Variants in KIF26A observed in about 807,000 individuals in gnomAD.
The protein encoded by KIF26A is kinesin family member 26A, also known as kinesin-like protein KIF26A.
KIF26A carries 74 observed loss-of-function variants against 126.0 expected under a neutral mutation model. The ratio of observed to expected loss-of-function variants is 0.59; its 90% CI spans 0.49 to 0.71. The LOEUF (loss-of-function observed/expected upper bound fraction) is 0.71, where lower values mean the gene tolerates loss of function less well. Among genes scored for constraint, KIF26A ranks in the 30% least tolerant of loss-of-function variants. KIF26A has a pLI of 0.00. For synonymous variants in KIF26A, 1,445 were observed against 1,232.7 expected, an observed-to-expected ratio of 1.17 and a Z score of -3.61; for missense variants, 2,984 against 2,763.3, an observed-to-expected ratio of 1.08 and a Z score of -1.79.
At chr14:104,157,028 C>T (rs1285608580) in intron 3 of KIF26A, among the ~76,000 whole-genome samples, 1 of 152,130 alleles carries the variant, frequency 6.6e-6, no homozygotes, top group South Asian at 2.1e-4. Context: ...AAGCAGGCTG[C>T]CTTCCCTGCC....
chr14:104,149,629 T>A lies in KIF26A; in HGVS notation c.289-2386T>A, dbSNP rs563212052. ...GGGTGGGGGCTTGGGTGGGGGCCAC[T>A]TTGGCTTCCTGTCCCCTTTTCCCTG... is the stretch of plus-strand genomic sequence containing the variant. On this transcript the variant is annotated intron_variant, in intron 2 of 14. Coordinates refer to ENST00000423312, the MANE Select transcript of KIF26A (RefSeq NM_015656.2). Among the ~76,000 whole-genome samples the A allele has an allele frequency of 4.6e-5, 7 of 152,354 alleles. No homozygotes were observed. In the South Asian group the frequency reaches 1.5e-3, roughly 32 times the overall value.
Position 104,152,205 on chromosome 14 carries a change from G to C in KIF26A, c.479G>C (p.Ser160Thr). 6.2e-7 allele frequency: 1 copy of C among 1,603,510 alleles called. No homozygotes were observed. The highest frequency in any genetic ancestry group is 8.5e-7 in the Non-Finnish European group (1 of 1,176,620). ...EDLDAPHGGPSLAPPSTTTSS... is the reference protein window; with the variant it reads ...EDLDAPHGGPTLAPPSTTTSS... ...CTTGACGCCCCCCATGGAGGCCCCA[G>C]CCTCGCACCCCCCAGCACCACGACC... The change falls in exon 3 of 15, where the codon AGC (serine) becomes ACC (threonine). Residue 160 changes from serine to threonine, a missense_variant. Transcript: ENST00000423312. The surrounding 1 kb of genome is among the most constrained non-coding windows in gnomAD (Gnocchi z 5.9).
At chr14:104,155,797 C>T (rs373428252) in intron 3 of KIF26A, among the ~76,000 whole-genome samples, 33 of 152,332 alleles carry the variant, frequency 2.2e-4, no homozygotes, top group Non-Finnish European at 3.8e-4. Context: ...TGGGCGGGGC[C>T]GGAACCTTCT....
Position 104,177,147 on chromosome 14 carries a change from A to G in KIF26A, c.4359A>G (p.Glu1453=). The stretch of plus-strand genomic sequence containing the variant: ...CGCACAGCAGCAGCAAGGGCCGGGA[A>G]GCCCCTGGGCGGCCTCCCCGGGCTG... ...GLAHSSSKGR[E]APGRPPRAVP... is the part of the protein sequence containing the mutation. The change falls in exon 12 of 15, where the codon GAA becomes GAG. Residue 1453 remains glutamate (E), a synonymous_variant. Coordinates refer to ENST00000423312, the MANE Select transcript of KIF26A (RefSeq NM_015656.2). 1 of 1,597,706 alleles carries G rather than the reference A, an allele frequency of 6.3e-7. No homozygotes were observed. The highest frequency in any genetic ancestry group is 8.5e-7 in the Non-Finnish European group (1 of 1,179,318).
At chr14:104,177,995 C>A in intron 12 of KIF26A, 97 bp downstream of exon 12, 2 of 1,274,156 alleles carry the variant, frequency 1.6e-6, no homozygotes, top group Non-Finnish European at 2.1e-6. Context: ...AGATGCTGGA[C>A]AGATGGGCAC....
chr14:104,176,019 C>T lies in KIF26A; in HGVS notation c.3231C>T (p.Ser1077=). ...ASGSRPVSII[S]SINDEFDAYT... ...GGTCCCGGCCAGTCAGCATCATCAG[C>T]AGCATCAATGATGAGTTTGACGCCT... Residue 1077 remains serine (S), a synonymous_variant, in exon 12 of 15, where the codon AGC becomes AGT. Coordinates refer to ENST00000423312, the MANE Select transcript of KIF26A (RefSeq NM_015656.2). 6.3e-7 allele frequency: 1 copy of T among 1,592,250 alleles called. No individual in the cohort carries two copies.
chr14:104,168,162 C>G (rs554052099), intron 5 of KIF26A, among the ~76,000 whole-genome samples: 3 of 152,184 alleles, frequency 2.0e-5, no homozygotes, highest in Middle Eastern at 3.2e-3. Flanking sequence ...GCAGCCACAC[C>G]TTGGGATTTT....
In KIF26A at chr14:104,173,533, T is replaced by C; in HGVS notation, c.1867+20T>C. 9 of 1,532,536 alleles carry C rather than the reference T, an allele frequency of 5.9e-6. No homozygotes were observed. Among genetic ancestry groups the C allele is most frequent in the Non-Finnish European group, 7.9e-6 (9 of 1,136,234 alleles). The allele number at this position is 1,532,536 out of a possible 1,614,324, so 94.9% of individuals were successfully genotyped here. A position where few individuals can be genotyped will look rare whatever the true frequency, so the allele number is the denominator to read the frequency against. ...GAGGAAGTAGGTGCCACACCCGCAC[T>C]CCCGGGCCCCTGTGGGATGCGTGTC... On this transcript the variant is annotated intron_variant, in intron 9 of 14. Coordinates refer to ENST00000423312, the MANE Select transcript of KIF26A (RefSeq NM_015656.2).
intron 8 of KIF26A, 26 bp from the exon 9 acceptor site, chr14:104,173,304 C>T (rs368705674): frequency 5.3e-5 from 85 of 1,601,698 alleles, no homozygotes; most frequent in East Asian, 6.7e-5. Flanking sequence ...CCACTGAAGA[C>T]GCCGCTGCCT....
intron 2 of KIF26A, among the ~76,000 whole-genome samples, chr14:104,140,200 A>G (rs2037624823): frequency 6.6e-6 from 1 of 151,942 alleles, no homozygotes. Context: ...GGGGCAGGGT[A>G]CCAGTCTGGT....
rs976321456 is a variant in KIF26A at position 104,180,036 on chromosome 14, T to C, written c.*246T>C. The stretch of plus-strand genomic sequence containing the variant: ...GCAACGCAAGTGCCTTTGACCTTGA[T>C]TTGGACTTTTCTCCCTTTTGCATTT... On this transcript the variant is annotated 3_prime_UTR_variant, in exon 15 of 15. Coordinates refer to ENST00000423312, the MANE Select transcript of KIF26A (RefSeq NM_015656.2). 2 of 431,644 alleles carry C rather than the reference T, an allele frequency of 4.6e-6. No individual in the cohort carries two copies. The highest frequency in any genetic ancestry group is 8.1e-6 in the Non-Finnish European group (2 of 245,878). 26.7% of individuals were successfully genotyped at this position (431,644 alleles called of 1,614,324 possible). A position where few individuals can be genotyped will look rare whatever the true frequency, so the allele number is the denominator to read the frequency against.
In KIF26A at chr14:104,165,004, C is replaced by T. The variant is rs531973973; in HGVS notation, c.924-1855C>T. 8.3e-3 allele frequency among the ~76,000 whole-genome samples: 1,228 copies of T among 147,082 alleles called. 8 individuals carry two copies. The highest frequency in any genetic ancestry group is 0.014 in the Non-Finnish European group (913 of 66,708). On this transcript the variant is annotated intron_variant, in intron 4 of 14. Coordinates refer to ENST00000423312, the MANE Select transcript of KIF26A (RefSeq NM_015656.2). ...CTGTGTGTGTTTCTGTATGCGTGCA[C>T]GTGTCTCTGGGTGTGCCTCTGTGTG...
At chr14:104,147,464 A>G (rs2037690315) in intron 2 of KIF26A, among the ~76,000 whole-genome samples, 1 of 152,150 alleles carries the variant, frequency 6.6e-6, no homozygotes, top group Non-Finnish European at 1.5e-5. Context: ...CTGCAGACCC[A>G]CAGGATGGGA....
rs1227408411 is a variant in KIF26A, at chr14:104,176,530, G to C, written c.3742G>C (p.Gly1248Arg). 6.2e-7 allele frequency: 1 copy of C among 1,605,052 alleles called. No homozygotes were observed. The highest frequency in any genetic ancestry group is 8.5e-7 in the Non-Finnish European group (1 of 1,179,688). The stretch of plus-strand genomic sequence containing the variant: ...TGAGGACCCATGGCTGCTCCGGGTA[G>C]GGGAGTGTGATACCCAGGCAGCTTC... ...LFEDPWLLRV[G>R]ECDTQAASAG... is the part of the protein sequence containing the mutation. The change falls in exon 12 of 15, where the codon GGG (glycine) becomes CGG (arginine). Residue 1248 changes from glycine (G) to arginine (R), a missense_variant. Physicochemically the swap from Gly to Arg is moderately radical, Grantham distance 125. Transcript: ENST00000423312.
In KIF26A at chr14:104,151,422, C is replaced by G. The variant is rs940365671; in HGVS notation, c.289-593C>G. 6.6e-6 allele frequency among the ~76,000 whole-genome samples: 1 copy of G among 152,216 alleles called. No individual in the cohort carries two copies. The highest frequency in any genetic ancestry group is 2.4e-5 in the African/African-American group (1 of 41,450). ...GGGGGGTGGGGCCCTGGGCTGTACCCGATCCTGCGGCTCTTGCGCCCCTTC... is the reference window on the plus strand; with the variant it reads ...GGGGGGTGGGGCCCTGGGCTGTACCGGATCCTGCGGCTCTTGCGCCCCTTC... On this transcript the variant is annotated intron_variant, in intron 2 of 14. Coordinates refer to ENST00000423312, the MANE Select transcript of KIF26A (RefSeq NM_015656.2). This position sits in a 1 kb window ranked among gnomAD's most constrained non-coding sequence, Gnocchi z 4.9.
Position 104,148,267 on chromosome 14 carries a change from C to T in KIF26A, c.289-3748C>T, listed in dbSNP as rs756998711. 1.8e-4 allele frequency among the ~76,000 whole-genome samples: 28 copies of T among 152,298 alleles called. No homozygotes were observed. Among genetic ancestry groups the T allele is most frequent in the Admixed American group, 5.9e-4 (9 of 15,308 alleles). On this transcript the variant is annotated intron_variant, in intron 2 of 14. Transcript: ENST00000423312. This position sits in a 1 kb window ranked among gnomAD's most constrained non-coding sequence, Gnocchi z 4.3. ...GGGGGGAGACTCCCTAAAACCCAGG[C>T]GCGCAATGGGTGGGCTATGTTTGAT...
intron 4 of KIF26A, among the ~76,000 whole-genome samples, chr14:104,166,554 G>C (rs1327408784): frequency 6.6e-6 from 1 of 152,134 alleles, no homozygotes; most frequent in Non-Finnish European, 1.5e-5. Flanking sequence ...CACACCCCTT[G>C]GTGGGGGGAT....
chr14:104,167,927 C>T (rs993207932), intron 5 of KIF26A, among the ~76,000 whole-genome samples: 2 of 152,306 alleles, frequency 1.3e-5, no homozygotes, highest in African/African-American at 2.4e-5. Flanking sequence ...ACTTGGACCA[C>T]GATTCCCAGG....
intron 1 of KIF26A, 118 bp downstream of exon 1, chr14:104,138,882 G>T (rs1486982961): frequency 6.4e-6 from 8 of 1,256,102 alleles, no homozygotes; most frequent in Non-Finnish European, 8.0e-6. Context: ...TAGCGGACCC[G>T]CAGGCGGGAC....
Sources: gnomAD v4.1 joint callset for allele counts (sites outside exome capture counted in the v4.1 genomes callset) on GRCh38, gnomAD v4.1.1 for gene constraint, Gnocchi (gnomAD v3.1) non-coding constraint, MANE v1.5 for transcripts, NCBI Gene and HGNC (gene_info 2026-07-23, HGNC 2026-07-21) for gene names.